The following CCSER1 variants were observed in gnomAD, a reference collection of about 807,000 sequenced individuals.
CCSER1 encodes the protein coiled-coil serine rich protein 1.
Under a neutral mutation model 82.0 loss-of-function variants are expected in CCSER1, and 41 were observed. That is an observed-to-expected ratio of 0.50 (90% CI 0.39 to 0.65). The LOEUF (loss-of-function observed/expected upper bound fraction) is 0.65, where lower values mean the gene tolerates loss of function less well. Among genes scored for constraint, CCSER1 ranks in the 30% least tolerant of loss-of-function variants. The pLI is 0.00. For synonymous variants in CCSER1, 414 were observed against 383.9 expected (o/e 1.08, Z -0.92); for missense variants, 1,119 against 1,064.2 (o/e 1.05, Z -0.72).
At chr4:90,568,032 T>C (rs908928709) in intron 5 of CCSER1, among the ~76,000 whole-genome samples, 1 of 152,226 alleles carries the variant, frequency 6.6e-6, no homozygotes, top group Admixed American at 6.5e-5. Context: ...TCTAATTTTA[T>C]ACCGTGTCAT....
At chr4:90,483,428 A>T (rs575333657) in intron 5 of CCSER1, among the ~76,000 whole-genome samples, 31 of 152,088 alleles carry the variant, frequency 2.0e-4, no homozygotes, top group Non-Finnish European at 3.5e-4. Flanking sequence ...ATGTTACCTG[A>T]TTGTTTTGCT....
intron 10 of CCSER1, among the ~76,000 whole-genome samples, chr4:91,587,509 A>G (rs902440200): frequency 2.6e-5 from 4 of 151,734 alleles, no homozygotes; most frequent in African/African-American, 9.7e-5. Context: ...CTTGATCTTC[A>G]TTTCTCAGTA....
chr4:90,736,099 G>T (rs1234319915), intron 7 of CCSER1, among the ~76,000 whole-genome samples: 1 of 152,002 alleles, frequency 6.6e-6, no homozygotes, highest in Non-Finnish European at 1.5e-5. Context: ...AAACAAAATT[G>T]TAAGACTTGT....
At chr4:91,374,793 T>C (rs144575281) in intron 10 of CCSER1, among the ~76,000 whole-genome samples, 2,992 of 152,228 alleles carry the variant, frequency 0.02, 77 homozygotes, top group African/African-American at 0.067. Context: ...GTCAGGAGTT[T>C]GAGACCAGCC....
rs1367372920 is a variant in CCSER1, at chr4:90,486,229, T to C, written c.1724+17875T>C. Among the ~76,000 whole-genome samples the C allele has an allele frequency of 4.5e-4, 68 of 152,238 alleles. 1 individual carries two copies. The highest frequency in any genetic ancestry group is 4.4e-3 in the Admixed American group (67 of 15,282). ...TTCTTTTCCTCCTGGTTGCATCTTT[T>C]CCCAATATTCTCTTTTGCTTAAATT... is the stretch of plus-strand genomic sequence containing the variant. On this transcript the variant is annotated intron_variant, in intron 5 of 10. Coordinates refer to ENST00000509176, the MANE Select transcript of CCSER1 (RefSeq NM_001145065.2).
At chr4:91,234,011 T>TC (rs1738819563) in intron 10 of CCSER1, among the ~76,000 whole-genome samples, 2 of 151,990 alleles carry the variant, frequency 1.3e-5, no homozygotes. Flanking sequence ...TAGTATGTTT[T>TC]CTCACTTATG....
intron 5 of CCSER1, among the ~76,000 whole-genome samples, chr4:90,511,467 T>C (rs1771499143): frequency 6.6e-6 from 1 of 152,088 alleles, no homozygotes; most frequent in Non-Finnish European, 1.5e-5. Context: ...CAGCTTTACG[T>C]TGGTGAAGAT....
chr4:90,959,023 G>A (rs1051906498), intron 9 of CCSER1, among the ~76,000 whole-genome samples: 4 of 152,132 alleles, frequency 2.6e-5, no homozygotes, highest in Admixed American at 6.6e-5. Context: ...CCAGTAACAC[G>A]TTAAAATCAT....
intron 10 of CCSER1, among the ~76,000 whole-genome samples, chr4:91,540,053 T>C (rs1761506340): frequency 6.6e-6 from 1 of 152,128 alleles, no homozygotes; most frequent in Non-Finnish European, 1.5e-5. Context: ...TCTAGGTGTT[T>C]TGTTTCACAT....
chr4:90,584,540 T>G (rs1781774258), intron 5 of CCSER1, among the ~76,000 whole-genome samples: 2 of 152,184 alleles, frequency 1.3e-5, no homozygotes, highest in African/African-American at 4.8e-5. Context: ...GCCCAACCAC[T>G]GTATGCCAGA....
chr4:90,160,376 A>G (rs1011076403), intron 1 of CCSER1, among the ~76,000 whole-genome samples: 1 of 152,186 alleles, frequency 6.6e-6, no homozygotes, highest in East Asian at 1.9e-4. Context: ...TTAGAGATGA[A>G]GAGAAGATGA....
chr4:91,152,077 T>G (rs1730270257), intron 10 of CCSER1, among the ~76,000 whole-genome samples: 1 of 152,204 alleles, frequency 6.6e-6, no homozygotes, highest in African/African-American at 2.4e-5. Flanking sequence ...AGTGGGGTGT[T>G]AAAGTTTCCC....
chr4:91,552,170 A>T (rs967348981), intron 10 of CCSER1, among the ~76,000 whole-genome samples: 1 of 151,798 alleles, frequency 6.6e-6, no homozygotes, highest in African/African-American at 2.4e-5. Flanking sequence ...ATTTGCATAG[A>T]CAAGAGATTT....
chr4:90,400,875 T>G (rs1469153099), intron 4 of CCSER1, among the ~76,000 whole-genome samples: 1 of 152,158 alleles, frequency 6.6e-6, no homozygotes, highest in Non-Finnish European at 1.5e-5. Flanking sequence ...TTTAACATAG[T>G]CATTTTCAAG....
At chr4:90,948,541 C>G (rs1732533495) in intron 9 of CCSER1, among the ~76,000 whole-genome samples, 1 of 151,748 alleles carries the variant, frequency 6.6e-6, no homozygotes, top group South Asian at 2.1e-4. Flanking sequence ...TTTATTGTCA[C>G]AATTTAAAAT....
At chr4:90,504,021 A>G (rs1016586237) in intron 5 of CCSER1, among the ~76,000 whole-genome samples, 4 of 152,140 alleles carry the variant, frequency 2.6e-5, no homozygotes, top group Non-Finnish European at 4.4e-5. Context: ...CCAAAAATAC[A>G]TAATTGTATT....
In CCSER1 at chr4:90,309,022, G is replaced by A. The variant is rs375348353; in HGVS notation, c.738G>A (p.Leu246=). 1 of 1,613,786 alleles carries A rather than the reference G, an allele frequency of 6.2e-7. No homozygotes were observed. Among genetic ancestry groups the A allele is most frequent in the Non-Finnish European group, 8.5e-7 (1 of 1,179,852 alleles). The change falls in exon 2 of 11, where the codon TTG becomes TTA. Residue 246 remains leucine, a synonymous_variant. Transcript: ENST00000509176. ...CAGGAAGCTCTTTACAATCTCCTTT[G>A]CTTTCTGCTGATCTTACCACAGCTC... ...ERAGSSLQSP[L]LSADLTTAQT...
intron 10 of CCSER1, among the ~76,000 whole-genome samples, chr4:91,333,728 A>G (rs1747117567): frequency 6.6e-6 from 1 of 152,082 alleles, no homozygotes; most frequent in South Asian, 2.1e-4. Flanking sequence ...CTGTATTTGT[A>G]TAATCCTGTT....
chr4:90,663,965 A>G (rs1731267913), intron 6 of CCSER1: 1 of 206,450 alleles, frequency 4.8e-6, no homozygotes, highest in South Asian at 5.7e-5. Flanking sequence ...CTACCATTTA[A>G]AAGATAAAAA....
Sources: allele counts gnomAD v4.1 joint callset (sites outside exome capture counted in the v4.1 genomes callset), GRCh38; gene constraint gnomAD v4.1.1; transcripts MANE v1.5; gene names NCBI Gene and HGNC (gene_info 2026-07-23, HGNC 2026-07-21).